STK32B: variants seen among roughly 807,000 people sequenced by gnomAD.
STK32B encodes the protein serine/threonine-protein kinase 32B.
A neutral mutation model predicts 52.6 loss-of-function variants in STK32B; 43 were observed. That is an observed-to-expected ratio of 0.82 (90% CI 0.64 to 1.05). The LOEUF (loss-of-function observed/expected upper bound fraction) is 1.05, where lower values mean the gene tolerates loss of function less well. STK32B is among the 50% of genes least tolerant of loss of function. The pLI, the probability that STK32B is intolerant of heterozygous loss-of-function variation, is 0.00. For missense variants in STK32B, 621 were observed against 534.6 expected (o/e 1.16, Z -1.59); for synonymous variants, 238 against 204.3 (o/e 1.17, Z -1.41).
chr4:5,460,879 TC>T lies in STK32B; in HGVS notation c.909+653del, dbSNP rs1716974502. 6.6e-6 allele frequency among the ~76,000 whole-genome samples: 1 copy of T among 152,184 alleles called. No individual in the cohort carries two copies. Among genetic ancestry groups the T allele is most frequent in the Non-Finnish European group, 1.5e-5 (1 of 68,028 alleles). ...GAACACATGCCACACCAAAAAGGCT[TC>T]CAGAGGCCACGGTCAAAGTTTTAGG... On this transcript the variant is annotated intron_variant, in intron 9 of 11. Coordinates refer to ENST00000282908, the MANE Select transcript of STK32B (RefSeq NM_018401.3). This position sits in a 1 kb window ranked among gnomAD's most constrained non-coding sequence, Gnocchi z 4.8.
At chr4:5,022,223 A>G in the STK32B span, among the ~76,000 whole-genome samples, 1 of 152,186 alleles carries the variant, frequency 6.6e-6, no homozygotes, top group Non-Finnish European at 1.5e-5. Context: ...TAGGAGAGAA[A>G]GACAGTCTTT....
chr4:5,155,444 C>T (rs1289379366), intron 2 of STK32B, among the ~76,000 whole-genome samples: 3 of 152,194 alleles, frequency 2.0e-5, no homozygotes, highest in Admixed American at 2.0e-4. Context: ...CACACACACA[C>T]TCACATGCAC....
intron 3 of STK32B, among the ~76,000 whole-genome samples, chr4:5,300,064 G>A (rs567543556): frequency 9.2e-5 from 14 of 152,158 alleles, no homozygotes; most frequent in South Asian, 2.1e-4. Context: ...AACCATATCC[G>A]GCAGCACATC....
At chr4:5,291,076 A>G (rs756981721) in intron 3 of STK32B, among the ~76,000 whole-genome samples, 1 of 152,036 alleles carries the variant, frequency 6.6e-6, no homozygotes, top group Non-Finnish European at 1.5e-5. Context: ...CCAATGCCAC[A>G]CTGTCTTCGT....
At chr4:5,283,002 T>A (rs761102771) in intron 3 of STK32B, among the ~76,000 whole-genome samples, 1 of 152,158 alleles carries the variant, frequency 6.6e-6, no homozygotes, top group Non-Finnish European at 1.5e-5. Context: ...GCCCTGCTGT[T>A]CCATGGGTCT....
At chr4:5,198,375 GGT>G (rs1053137668) in intron 3 of STK32B, among the ~76,000 whole-genome samples, 2 of 152,204 alleles carry the variant, frequency 1.3e-5, no homozygotes, top group African/African-American at 4.8e-5. Context: ...GATGGGGCAT[GGT>G]GGTGGGAAGG....
rs189853104 is a variant in STK32B, at chr4:5,435,089, A to C, written c.563-11584A>C. Among the ~76,000 whole-genome samples the C allele has an allele frequency of 4.4e-3, 677 of 152,296 alleles. 2 individuals carry two copies. The highest frequency in any genetic ancestry group is 0.02 in the Middle Eastern group (6 of 294). On this transcript the variant is annotated intron_variant, in intron 6 of 11. Coordinates refer to ENST00000282908, the MANE Select transcript of STK32B (RefSeq NM_018401.3). Reference sequence around the variant, plus strand: ...TGACATGTGGAGGCATCTGTTCCCCACAAAGCCCTGCACGAATGCTGTGGA... The same window carrying C: ...TGACATGTGGAGGCATCTGTTCCCCCCAAAGCCCTGCACGAATGCTGTGGA...
intron 6 of STK32B, among the ~76,000 whole-genome samples, chr4:5,426,274 A>G (rs1315282907): frequency 2.0e-5 from 3 of 152,172 alleles, no homozygotes; most frequent in Non-Finnish European, 2.9e-5. Flanking sequence ...GTCATTAGGC[A>G]TTCTAATAGG....
intron 3 of STK32B, among the ~76,000 whole-genome samples, chr4:5,318,142 C>T (rs1331864784): frequency 6.6e-6 from 1 of 151,948 alleles, no homozygotes; most frequent in Non-Finnish European, 1.5e-5. Flanking sequence ...AATGCATGCA[C>T]TTGTGTGTGT....
At chr4:5,182,270 C>T (rs1267308469) in intron 3 of STK32B, among the ~76,000 whole-genome samples, 1 of 152,102 alleles carries the variant, frequency 6.6e-6, no homozygotes, top group African/African-American at 2.4e-5. Flanking sequence ...AAAGTCACCC[C>T]TGAAGGTTGA....
intron 2 of STK32B, among the ~76,000 whole-genome samples, chr4:5,159,257 C>G (rs867015179): frequency 6.6e-6 from 1 of 152,126 alleles, no homozygotes; most frequent in South Asian, 2.1e-4. Context: ...AATCAAGTAA[C>G]AAGCTGTTTG....
rs199863777 is a variant in STK32B, at chr4:5,364,027, TG to T, written c.434+32636del. Among the ~76,000 whole-genome samples the T allele has an allele frequency of 4.3e-3, 647 of 151,272 alleles. 9 individuals are homozygous for T. The highest frequency in any genetic ancestry group is 0.035 in the Admixed American group (515 of 14,834). ...GAGATATATTGATCCATCCCCCTGC[TG>T]GAGGCATCCTTTTGAAAAAAAAATC... On this transcript the variant is annotated intron_variant, in intron 4 of 11. Coordinates refer to ENST00000282908, the MANE Select transcript of STK32B (RefSeq NM_018401.3).
rs537423009 is a variant in STK32B, at chr4:5,493,058, T to C, written c.1107-5887T>C. 2.0e-5 allele frequency among the ~76,000 whole-genome samples: 3 copies of C among 151,546 alleles called. No individual in the cohort carries two copies. The South Asian group carries it at 6.2e-4, about 31-fold the overall frequency. On this transcript the variant is annotated intron_variant, in intron 11 of 11. Coordinates refer to ENST00000282908, the MANE Select transcript of STK32B (RefSeq NM_018401.3). ...AAATTCTCTTTTATGGTTGTGTCTC[T>C]GCCTGGCTTTGGTATCAGGATGATG... is the stretch of plus-strand genomic sequence containing the variant.
intron 4 of STK32B, among the ~76,000 whole-genome samples, chr4:5,354,520 C>T (rs1042341579): frequency 2.6e-5 from 4 of 152,236 alleles, no homozygotes; most frequent in African/African-American, 7.2e-5. Context: ...CCCACCTTGA[C>T]CTCTCAAAGT....
chr4:5,135,702 G>C (rs1029095449), intron 1 of STK32B, among the ~76,000 whole-genome samples: 27 of 152,204 alleles, frequency 1.8e-4, no homozygotes. Context: ...ATAGTCACAA[G>C]ATGGTTGTTG....
chr4:5,460,227 A>G lies in STK32B; in HGVS notation c.908A>G (p.Asn303Ser), dbSNP rs778234564. 6 of 1,610,082 alleles carry G rather than the reference A, an allele frequency of 3.7e-6. No homozygotes were observed. In the African/African-American group the frequency reaches 4.0e-5, roughly 11 times the overall value. Reference sequence around the variant, plus strand: ...GCACTGATGCCCGGCTTTGTGCCCAATGTGAGTGGAAGTCCCACCTGATGT... The same window carrying G: ...GCACTGATGCCCGGCTTTGTGCCCAGTGTGAGTGGAAGTCCCACCTGATGT... The part of the protein sequence containing the change: ...KKALMPGFVP[N>S]KGRLNCDPTF... The change falls in exon 9 of 12, where the codon AAT becomes AGT. Residue 303 changes from asparagine (N) to serine (S), a missense_variant and splice_region_variant. Asn to Ser is a conservative substitution (Grantham distance 46, BLOSUM62 1). Transcript: ENST00000282908. This position sits in a 1 kb window ranked among gnomAD's most constrained non-coding sequence, Gnocchi z 4.8.
chr4:5,156,030 C>G (rs1717802085), intron 2 of STK32B, among the ~76,000 whole-genome samples: 1 of 151,640 alleles, frequency 6.6e-6, no homozygotes, highest in African/African-American at 2.4e-5. Flanking sequence ...GTACATATAC[C>G]TATAGATCCA....
At chr4:5,262,061 G>A (rs1045991692) in intron 3 of STK32B, among the ~76,000 whole-genome samples, 2 of 152,104 alleles carry the variant, frequency 1.3e-5, no homozygotes, top group South Asian at 2.1e-4. Context: ...CTGATTCTCC[G>A]TCGTGCCTCC....
At chr4:5,322,006 TAA>T (rs71169693) in intron 3 of STK32B, among the ~76,000 whole-genome samples, 7 of 37,810 alleles carry the variant, frequency 1.9e-4, no homozygotes, top group Non-Finnish European at 2.1e-4. Flanking sequence ...CAAGTCAAAT[TAA>T]AAAAAAAAAA....
Sources: gnomAD v4.1 joint callset for allele counts (sites outside exome capture counted in the v4.1 genomes callset) on GRCh38, gnomAD v4.1.1 for gene constraint, Gnocchi (gnomAD v3.1) non-coding constraint, MANE v1.5 for transcripts, NCBI Gene and HGNC (gene_info 2026-07-23, HGNC 2026-07-21) for gene names.